Variants in ATG7 observed in about 807,000 individuals in gnomAD.
ATG7 encodes the protein ubiquitin-like modifier-activating enzyme ATG7.
A neutral mutation model predicts 82.4 loss-of-function variants in ATG7; 70 were observed. That is an observed-to-expected ratio of 0.85 (90% CI 0.70 to 1.04). The LOEUF (loss-of-function observed/expected upper bound fraction) is 1.04. ATG7 is among the 50% of genes least tolerant of loss of function. The pLI is 0.00. For missense variants in ATG7, 792 were observed against 864.3 expected, an observed-to-expected ratio of 0.92 and a Z score of 1.05; for synonymous variants, 287 against 313.0, an observed-to-expected ratio of 0.92 and a Z score of 0.88.
Position 11,369,424 on chromosome 3 carries a change from C to T in ATG7, c.1875+4690C>T, listed in dbSNP as rs560030959. 1.2e-4 allele frequency among the ~76,000 whole-genome samples: 18 copies of T among 151,144 alleles called. No individual in the cohort carries two copies. The South Asian group carries it at 3.4e-3, about 28-fold the overall frequency. On this transcript the variant is annotated intron_variant, in intron 18 of 20. Coordinates refer to ENST00000693202, the MANE Select transcript of ATG7 (RefSeq NM_001349232.2). ...ACCTGTTCATCTTATTTCCCTCCCT[C>T]CAGCCATCCCCTCAACAGGTAATCT...
chr3:11,293,198 T>G (rs533958402), intron 3 of ATG7, among the ~76,000 whole-genome samples: 52 of 152,314 alleles, frequency 3.4e-4, no homozygotes, highest in African/African-American at 1.2e-3. Flanking sequence ...AGTACAGTCC[T>G]GAGATTCATT....
intron 19 of ATG7, among the ~76,000 whole-genome samples, chr3:11,402,212 A>G (rs2079903170): frequency 6.6e-6 from 1 of 152,212 alleles, no homozygotes. Flanking sequence ...CAGGCAGATC[A>G]CTTGAGGTCA....
intron 19 of ATG7, among the ~76,000 whole-genome samples, chr3:11,384,638 A>G (rs2078174828): frequency 6.6e-6 from 1 of 152,162 alleles, no homozygotes; most frequent in South Asian, 2.1e-4. Flanking sequence ...AATCCTACCT[A>G]CCTTCTATCA....
At position 11,515,360 on chromosome 3, in the gene ATG7, G is replaced by A. The variant is rs578013999; in HGVS notation, c.2080-39451G>A. On this transcript the variant is annotated intron_variant, in intron 20 of 20. Transcript: ENST00000693202. ...GCTCTGTTGCCTAGGCTGGAGTGCA[G>A]TGGCACGATCTTGGCTCACTGCAAC... is the stretch of plus-strand genomic sequence containing the variant. Among the ~76,000 whole-genome samples the A allele has an allele frequency of 8.5e-5, 13 of 152,138 alleles. No individual in the cohort carries two copies. In the South Asian group the frequency reaches 2.5e-3, roughly 29 times the overall value.
At chr3:11,544,718 T>A (rs913296724) in intron 20 of ATG7, among the ~76,000 whole-genome samples, 8 of 152,246 alleles carry the variant, frequency 5.3e-5, no homozygotes, top group Non-Finnish European at 1.0e-4. Context: ...CTTGACTGTG[T>A]GTGTCTCAGG....
At chr3:11,553,990 A>C (rs2072106525) in intron 20 of ATG7, among the ~76,000 whole-genome samples, 2 of 152,148 alleles carry the variant, frequency 1.3e-5, no homozygotes. Flanking sequence ...CTGGCCCTCC[A>C]GGGAGCCCTG....
chr3:11,376,325 G>A lies in ATG7; in HGVS notation c.1876-3647G>A, dbSNP rs2077414494. ...TACAGTTTAAAAGATGAATTTTATG[G>A]TATGTGAATTATATCTCAAACCCGT... On this transcript the variant is annotated intron_variant, in intron 18 of 20. Coordinates refer to ENST00000693202, the MANE Select transcript of ATG7 (RefSeq NM_001349232.2). 4.6e-5 allele frequency among the ~76,000 whole-genome samples: 7 copies of A among 152,132 alleles called. No individual in the cohort carries two copies. In the South Asian group the frequency reaches 1.5e-3, roughly 32 times the overall value.
intron 20 of ATG7, among the ~76,000 whole-genome samples, chr3:11,434,374 C>G (rs955965545): frequency 4.6e-5 from 7 of 152,316 alleles, no homozygotes; most frequent in Non-Finnish European, 5.9e-5. Flanking sequence ...CTAGCCTGCT[C>G]ATGAATCCAG....
chr3:11,488,642 C>T (rs1004536903), intron 20 of ATG7, among the ~76,000 whole-genome samples: 23 of 152,224 alleles, frequency 1.5e-4, no homozygotes, highest in African/African-American at 4.1e-4. Context: ...GGGCCTCCGG[C>T]GCCGTGACCT....
intron 14 of ATG7, among the ~76,000 whole-genome samples, chr3:11,352,487 A>C (rs4684771): frequency 0.21 from 31,641 of 152,038 alleles, 3,686 homozygotes; most frequent in South Asian, 0.35. Context: ...AAGTGTTCCT[A>C]TTTTTCCACA....
At chr3:11,424,637 T>C (rs1414684685) in intron 19 of ATG7, among the ~76,000 whole-genome samples, 1 of 151,830 alleles carries the variant, frequency 6.6e-6, no homozygotes, top group Non-Finnish European at 1.5e-5. Context: ...TTAAAAATCT[T>C]ATTTTAATAA....
intron 11 of ATG7, among the ~76,000 whole-genome samples, chr3:11,334,289 G>C (rs762319699): frequency 4.6e-5 from 7 of 151,822 alleles, no homozygotes; most frequent in Non-Finnish European, 8.8e-5. Context: ...TTGTCACCCA[G>C]GCTGGAGTGC....
intron 20 of ATG7, among the ~76,000 whole-genome samples, chr3:11,494,809 C>T (rs1040909388): frequency 1.3e-5 from 2 of 152,166 alleles, no homozygotes; most frequent in African/African-American, 2.4e-5. Flanking sequence ...CATGGTGGCT[C>T]ACACCAGTAA....
intron 18 of ATG7, among the ~76,000 whole-genome samples, chr3:11,375,038 TTAAAAA>T (rs564998992): frequency 2.1e-5 from 3 of 144,482 alleles, no homozygotes; most frequent in Non-Finnish European, 1.5e-5. Flanking sequence ...CTCATCTCTC[TTAAAAA>T]AAAAAAAAAA....
In ATG7 at chr3:11,358,552, A is replaced by G. The variant is rs902461614; in HGVS notation, c.1419A>G (p.Leu473=). The G allele has an allele frequency of 2.5e-6, 4 of 1,614,026 alleles. No homozygotes were observed. The African/African-American group carries it at 4.0e-5, about 16-fold the overall frequency. ...QLIESHDVVF[L]LMDTRESRWL... is the part of the protein sequence containing the mutation. ...TCGAAAGCCATGATGTCGTCTTCCT[A>G]TTGATGGACACCAGGGAGAGCCGGT... The change falls in exon 15 of 21, where the codon CTA becomes CTG. Residue 473 remains leucine (L), a synonymous_variant. Coordinates refer to ENST00000693202, the MANE Select transcript of ATG7 (RefSeq NM_001349232.2).
At chr3:11,442,438 AT>A (rs1008980201) in intron 20 of ATG7, among the ~76,000 whole-genome samples, 2 of 151,986 alleles carry the variant, frequency 1.3e-5, no homozygotes, top group Admixed American at 1.3e-4. Flanking sequence ...GGAAAACTAG[AT>A]TTTTTTCATA....
chr3:11,370,040 A>G (rs1198869121), intron 18 of ATG7, among the ~76,000 whole-genome samples: 1 of 151,124 alleles, frequency 6.6e-6, no homozygotes, highest in East Asian at 1.9e-4. Context: ...TATCTGTAAA[A>G]TGGGGATAAT....
At chr3:11,528,552 C>T (rs116166360) in intron 20 of ATG7, among the ~76,000 whole-genome samples, 2,087 of 152,192 alleles carry the variant, frequency 0.014, 29 homozygotes, top group Non-Finnish European at 0.022. Context: ...ATAGTTTGGG[C>T]GCAGTGACTC....
intron 19 of ATG7, among the ~76,000 whole-genome samples, chr3:11,417,805 A>ATTATTTTT (rs1559578331): frequency 7.6e-5 from 4 of 52,742 alleles, no homozygotes; most frequent in African/African-American, 2.0e-4. Context: ...TTATTATTTT[A>ATTATTTTT]TTTTATTTTA....
Sources: gnomAD v4.1 joint callset for allele counts (sites outside exome capture counted in the v4.1 genomes callset) on GRCh38, gnomAD v4.1.1 for gene constraint, MANE v1.5 for transcripts, NCBI Gene and HGNC (gene_info 2026-07-23, HGNC 2026-07-21) for gene names.